The following NLGN1 variants were observed in gnomAD, a reference collection of about 807,000 sequenced individuals.
NLGN1 encodes the protein neuroligin-1.
In NLGN1, 12 loss-of-function variants were observed where a neutral mutation model predicts 65.5. The observed-to-expected ratio is 0.18, with a 90% CI of 0.12 to 0.30. The LOEUF (loss-of-function observed/expected upper bound fraction) is 0.30, where lower values mean the gene tolerates loss of function less well. Among genes scored for constraint, NLGN1 ranks in the 10% least tolerant of loss-of-function variants. NLGN1 has a pLI of 1.00. For missense variants in NLGN1, 750 were observed against 1,007.1 expected (o/e 0.74, Z 3.46); for synonymous variants, 350 against 359.5 (o/e 0.97, Z 0.30).
chr3:173,435,310 A>G (rs1309592279), intron 2 of NLGN1, among the ~76,000 whole-genome samples: 1 of 152,136 alleles, frequency 6.6e-6, no homozygotes, highest in Non-Finnish European at 1.5e-5. Flanking sequence ...TTGAGTGTAC[A>G]CTTTTTCTCC....
intron 3 of NLGN1, among the ~76,000 whole-genome samples, chr3:173,687,563 T>A (rs1764857735): frequency 1.3e-5 from 2 of 152,186 alleles, no homozygotes; most frequent in Non-Finnish European, 2.9e-5. Context: ...AATAAAAATG[T>A]CTCTGGACTT....
At chr3:173,814,212 A>G (rs1718565854) in intron 4 of NLGN1, among the ~76,000 whole-genome samples, 1 of 152,260 alleles carries the variant, frequency 6.6e-6, no homozygotes, top group African/African-American at 2.4e-5. Context: ...ATTTTAGCAA[A>G]GAGCTAACCA....
At chr3:174,039,238 A>T (rs1477110575) in intron 4 of NLGN1, among the ~76,000 whole-genome samples, 3 of 151,750 alleles carry the variant, frequency 2.0e-5, no homozygotes, top group East Asian at 1.9e-4. Context: ...TATATATATA[A>T]ATATAAAATT....
At chr3:173,415,981 C>T (rs1412835840) in intron 1 of NLGN1, among the ~76,000 whole-genome samples, 1 of 149,956 alleles carries the variant, frequency 6.7e-6, no homozygotes, top group Non-Finnish European at 1.5e-5. Flanking sequence ...AGAGTGCATA[C>T]ATAAAATGAA....
chr3:174,045,191 C>T (rs1733282215), intron 4 of NLGN1, among the ~76,000 whole-genome samples: 5 of 152,106 alleles, frequency 3.3e-5, no homozygotes, highest in Admixed American at 6.6e-5. Context: ...TTTCATGCTG[C>T]TAATAAAGAC....
At chr3:173,691,584 A>G (rs1176067326) in intron 3 of NLGN1, among the ~76,000 whole-genome samples, 1 of 152,130 alleles carries the variant, frequency 6.6e-6, no homozygotes, top group Non-Finnish European at 1.5e-5. Flanking sequence ...GATAACTTAT[A>G]ACCCAAATAT....
At chr3:173,605,580 A>G (rs936700022) in intron 3 of NLGN1, 2 of 1,285,062 alleles carry the variant, frequency 1.6e-6, no homozygotes, top group African/African-American at 3.0e-5. Flanking sequence ...GCAAGAAAAT[A>G]TGTAGAAAAG....
chr3:173,520,865 G>T (rs1734643090), intron 2 of NLGN1, among the ~76,000 whole-genome samples: 2 of 152,154 alleles, frequency 1.3e-5, no homozygotes, highest in Non-Finnish European at 2.9e-5. Context: ...TACAATAGAT[G>T]AAAAGAAACT....
At chr3:173,633,158 C>T (rs558270155) in intron 3 of NLGN1, among the ~76,000 whole-genome samples, 19 of 152,058 alleles carry the variant, frequency 1.2e-4, no homozygotes, top group African/African-American at 4.1e-4. Context: ...GAGTTCTGAG[C>T]CAAGGATTGA....
In NLGN1 at chr3:174,241,803, C is replaced by T. The variant is rs6771843; in HGVS notation, c.647-33512C>T. Among the ~76,000 whole-genome samples, 1,005 of 152,176 alleles carry T rather than the reference C, an allele frequency of 6.6e-3. 9 individuals carry two copies. The highest frequency in any genetic ancestry group is 0.021 in the African/African-American group (884 of 41,524). On this transcript the variant is annotated intron_variant, in intron 4 of 6. Transcript: ENST00000457714. The stretch of plus-strand genomic sequence containing the variant: ...CCTCCCGAGCAGCTGGGACTACAGG[C>T]GCCCGCCACCACGCCTGGATAATTT...
chr3:173,867,885 G>C (rs1730486812), intron 4 of NLGN1, among the ~76,000 whole-genome samples: 1 of 152,042 alleles, frequency 6.6e-6, no homozygotes. Context: ...TTTTGTTGTT[G>C]TTTGAATTGA....
At chr3:174,235,075 C>G (rs1207555809) in intron 4 of NLGN1, among the ~76,000 whole-genome samples, 2 of 129,856 alleles carry the variant, frequency 1.5e-5, no homozygotes, top group Non-Finnish European at 3.1e-5. Context: ...ACCACAGCAT[C>G]AAACCAACAT....
chr3:173,875,988 A>G (rs994755672), intron 4 of NLGN1, among the ~76,000 whole-genome samples: 1 of 151,992 alleles, frequency 6.6e-6, no homozygotes, highest in Non-Finnish European at 1.5e-5. Context: ...CATGTGCCTT[A>G]AAAGCCTCTC....
chr3:174,113,542 C>T (rs945875674), intron 4 of NLGN1, among the ~76,000 whole-genome samples: 11 of 152,060 alleles, frequency 7.2e-5, no homozygotes, highest in African/African-American at 2.7e-4. Context: ...CTTGCATCTC[C>T]TAGCTAAAAT....
At chr3:173,706,929 A>T (rs1239622161) in intron 3 of NLGN1, among the ~76,000 whole-genome samples, 1 of 152,202 alleles carries the variant, frequency 6.6e-6, no homozygotes, top group Non-Finnish European at 1.5e-5. Flanking sequence ...AACTTTATTC[A>T]TCCTGAGAAG....
intron 2 of NLGN1, among the ~76,000 whole-genome samples, chr3:173,506,843 T>G (rs568770512): frequency 6.6e-6 from 1 of 152,290 alleles, no homozygotes; most frequent in Admixed American, 6.5e-5. Flanking sequence ...TCAGTCATTG[T>G]GTTTAGTGTT....
At chr3:174,184,777 A>G (rs1224970373) in intron 4 of NLGN1, among the ~76,000 whole-genome samples, 2 of 152,164 alleles carry the variant, frequency 1.3e-5, no homozygotes, top group South Asian at 2.1e-4. Flanking sequence ...TTTATAAGCT[A>G]TATCATGTAG....
intron 4 of NLGN1, among the ~76,000 whole-genome samples, chr3:173,848,947 G>C (rs949286577): frequency 1.3e-5 from 2 of 152,044 alleles, no homozygotes; most frequent in African/African-American, 4.8e-5. Context: ...CAATTTTCTA[G>C]ACATAAGGTA....
intron 4 of NLGN1, among the ~76,000 whole-genome samples, chr3:173,903,644 G>A (rs1412321607): frequency 6.6e-6 from 1 of 152,122 alleles, no homozygotes; most frequent in East Asian, 1.9e-4. Flanking sequence ...ACATATCAAG[G>A]TAGCTGTGCT....
Sources: allele counts gnomAD v4.1 joint callset (sites outside exome capture counted in the v4.1 genomes callset), GRCh38; gene constraint gnomAD v4.1.1; transcripts MANE v1.5; gene names NCBI Gene and HGNC (gene_info 2026-07-23, HGNC 2026-07-21).